Variants in NPAS2 observed in about 807,000 individuals in gnomAD.
NPAS2 encodes the protein neuronal PAS domain-containing protein 2.
A neutral mutation model predicts 107.5 loss-of-function variants in NPAS2; 23 were observed. The ratio of observed to expected loss-of-function variants is 0.21; its 90% CI spans 0.15 to 0.30. The LOEUF (loss-of-function observed/expected upper bound fraction) is 0.30. Ranked by LOEUF, NPAS2 falls within the 10% of genes least tolerant of loss-of-function variation. NPAS2 has a pLI of 1.00. For synonymous variants in NPAS2, 403 were observed against 417.5 expected (o/e 0.97, Z 0.42); for missense variants, 756 against 1,043.3 (o/e 0.72, Z 3.79).
intron 2 of NPAS2, among the ~76,000 whole-genome samples, chr2:100,919,233 G>A (rs1683073819): frequency 6.6e-6 from 1 of 152,192 alleles, no homozygotes. Flanking sequence ...TTGTGGGAGT[G>A]GAGGGCATGA....
At position 100,938,808 on chromosome 2, in the gene NPAS2, C is replaced by T. The variant is rs190165413; in HGVS notation, c.363+966C>T. ...AGCATCATTGTGAATGACAGCTGTA[C>T]CAGGAGCAGCACGTGTGATGGACAA... On this transcript the variant is annotated intron_variant, in intron 5 of 20. Transcript: ENST00000335681. Among the ~76,000 whole-genome samples, 79 of 152,110 alleles carry T rather than the reference C, an allele frequency of 5.2e-4. No homozygotes were observed. In the East Asian group the frequency reaches 7.0e-3, roughly 13 times the overall value.
intron 1 of NPAS2, chr2:100,821,010 G>A (rs1676037118): frequency 7.9e-7 from 1 of 1,264,660 alleles, no homozygotes. Context: ...CCCCAACTCC[G>A]GAGCTCCCCA....
chr2:100,970,248 T>G (rs928581700), intron 11 of NPAS2, among the ~76,000 whole-genome samples: 1 of 152,186 alleles, frequency 6.6e-6, no homozygotes, highest in African/African-American at 2.4e-5. Flanking sequence ...CCCCTCACCC[T>G]TCAGGCTGTG....
At chr2:100,854,148 C>A (rs1299668145) in intron 1 of NPAS2, among the ~76,000 whole-genome samples, 1 of 119,144 alleles carries the variant, frequency 8.4e-6, no homozygotes, top group Non-Finnish European at 1.7e-5. Flanking sequence ...TTGGACATAG[C>A]CTGCCTCAAC....
chr2:100,980,659 T>C (rs1363236875), intron 15 of NPAS2, among the ~76,000 whole-genome samples: 1 of 152,020 alleles, frequency 6.6e-6, no homozygotes, highest in African/African-American at 2.4e-5. Flanking sequence ...TTAGTGGAGA[T>C]GGGGTTTTGC....
intron 2 of NPAS2, among the ~76,000 whole-genome samples, chr2:100,922,037 A>G (rs1287061088): frequency 6.6e-6 from 1 of 152,168 alleles, no homozygotes; most frequent in Non-Finnish European, 1.5e-5. Context: ...CTAAATCAAA[A>G]AGACTGTATA....
rs888175250 is a variant in NPAS2, at chr2:100,935,214, G to C, written c.273+2213G>C. 3 of 361,816 alleles carry C rather than the reference G, an allele frequency of 8.3e-6. No individual in the cohort carries two copies. In the Admixed American group the frequency reaches 1.9e-4, roughly 23 times the overall value. 22.4% of individuals were successfully genotyped at this position (361,816 alleles called of 1,614,324 possible). On this transcript the variant is annotated intron_variant, in intron 4 of 20. Coordinates refer to ENST00000335681, the MANE Select transcript of NPAS2 (RefSeq NM_002518.4). The stretch of plus-strand genomic sequence containing the variant: ...AGGAGCCAAAGTGCCTGTGGCCTGC[G>C]GAATAGGGAGCTTGTGGAATTTCTG...
At position 100,988,284 on chromosome 2, in the gene NPAS2, T is replaced by TGCTCCTTGCCAGCTTC. The variant is rs1389096355; in HGVS notation, c.1827+9_1827+24dup. 13 of 1,611,258 alleles carry TGCTCCTTGCCAGCTTC rather than the reference T, an allele frequency of 8.1e-6. No individual in the cohort carries two copies. Among genetic ancestry groups the TGCTCCTTGCCAGCTTC allele is most frequent in the Non-Finnish European group, 1.1e-5 (13 of 1,178,312 alleles). ...AGTGTGATATCAACCCAGGTAAATG[T>TGCTCCTTGCCAGCTTC]GCTCCTTGCCAGCTTCACTCCTTGC... On this transcript the variant is annotated intron_variant, in intron 17 of 20. Coordinates refer to ENST00000335681, the MANE Select transcript of NPAS2 (RefSeq NM_002518.4).
At chr2:100,949,554 C>A in intron 7 of NPAS2, 74 bp downstream of exon 7, 1 of 871,656 alleles carries the variant, frequency 1.1e-6, no homozygotes, top group Non-Finnish European at 1.9e-6. Context: ...CATTAAGAAT[C>A]GCCCAGGGAG....
chr2:100,935,185 C>A, intron 4 of NPAS2: 1 of 723,446 alleles, frequency 1.4e-6, no homozygotes, highest in Non-Finnish European at 1.7e-6. Flanking sequence ...CAGTTGCACT[C>A]AAAAGGAGCC....
intron 20 of NPAS2, chr2:100,994,640 G>A (rs1678337791): frequency 6.6e-6 from 1 of 152,556 alleles, no homozygotes; most frequent in Non-Finnish European, 1.5e-5. Flanking sequence ...TGCTGTGGTG[G>A]GGAAGCCTTT....
chr2:100,949,408 A>G lies in NPAS2; in HGVS notation c.526A>G (p.Ser176Gly), dbSNP rs1247008181. 5 of 1,613,978 alleles carry G rather than the reference A, an allele frequency of 3.1e-6. No individual in the cohort carries two copies. Among genetic ancestry groups the G allele is most frequent in the Non-Finnish European group, 4.2e-6 (5 of 1,179,830 alleles). Reference protein sequence around the residue: ...LEFYCHLLRGSLNPKEFPTYE... With the variant: ...LEFYCHLLRGGLNPKEFPTYE... ...GTTTTATTGCCATCTTCTCAGAGGC[A>G]GCTTGAACCCAAAGGAATTTCCAAC... Residue 176 changes from serine to glycine, a missense_variant, in exon 7 of 21, where the codon AGC becomes GGC. By Grantham distance (56) the Ser-to-Gly change is moderately conservative. Coordinates refer to ENST00000335681, the MANE Select transcript of NPAS2 (RefSeq NM_002518.4).
At chr2:100,826,963 A>G (rs759487531) in intron 1 of NPAS2, among the ~76,000 whole-genome samples, 3 of 152,242 alleles carry the variant, frequency 2.0e-5, no homozygotes, top group Non-Finnish European at 4.4e-5. Flanking sequence ...TTTCCATGAC[A>G]TAAACAATTT....
intron 2 of NPAS2, among the ~76,000 whole-genome samples, chr2:100,916,245 A>G (rs958847853): frequency 2.6e-5 from 4 of 152,232 alleles, no homozygotes; most frequent in Non-Finnish European, 4.4e-5. Flanking sequence ...AAATCCAAAC[A>G]TATGTGATTA....
chr2:100,893,146 C>T (rs1050457102), intron 1 of NPAS2, among the ~76,000 whole-genome samples: 3 of 152,310 alleles, frequency 2.0e-5, no homozygotes, highest in South Asian at 2.1e-4. Flanking sequence ...AAGTGAGCGT[C>T]GCAGTTCATC....
intron 20 of NPAS2, 50 bp from the exon 21 acceptor site, chr2:100,995,347 TGAG>T (rs1025087649): frequency 1.3e-6 from 2 of 1,516,142 alleles, no homozygotes; most frequent in African/African-American, 1.4e-5. Flanking sequence ...GTAAGACAGT[TGAG>T]GAGCGGACAT....
At chr2:100,910,302 C>G (rs1254356177) in intron 2 of NPAS2, among the ~76,000 whole-genome samples, 2 of 152,070 alleles carry the variant, frequency 1.3e-5, no homozygotes, top group Admixed American at 1.3e-4. Context: ...TGAAATTAGG[C>G]CAGCTTCCCA....
At chr2:100,930,673 A>G (rs1464442873) in intron 3 of NPAS2, among the ~76,000 whole-genome samples, 1 of 152,190 alleles carries the variant, frequency 6.6e-6, no homozygotes, top group African/African-American at 2.4e-5. Context: ...AGTCTAATTC[A>G]GTTGTTGAAA....
intron 1 of NPAS2, among the ~76,000 whole-genome samples, chr2:100,898,521 C>T (rs981299484): frequency 1.3e-5 from 2 of 152,048 alleles, no homozygotes; most frequent in African/African-American, 2.4e-5. Context: ...AGTGTGGTAC[C>T]GGCATAACAA....
Sources: allele counts gnomAD v4.1 joint callset (sites outside exome capture counted in the v4.1 genomes callset), GRCh38; gene constraint gnomAD v4.1.1; transcripts MANE v1.5; gene names NCBI Gene and HGNC (gene_info 2026-07-23, HGNC 2026-07-21).